Variants in CTNNA3 observed in about 807,000 individuals in gnomAD.
CTNNA3 encodes catenin alpha-3.
A neutral mutation model predicts 95.7 loss-of-function variants in CTNNA3; 76 were observed. The observed-to-expected ratio is 0.79, with a 90% CI of 0.66 to 0.96. The LOEUF (loss-of-function observed/expected upper bound fraction) is 0.96, where lower values mean the gene tolerates loss of function less well. CTNNA3 is among the 40% of genes least tolerant of loss of function. The pLI is 0.00. For missense variants in CTNNA3, 1,191 were observed against 1,089.8 expected, an observed-to-expected ratio of 1.09 and a Z score of -1.31; for synonymous variants, 431 against 374.4, an observed-to-expected ratio of 1.15 and a Z score of -1.74.
chr10:67,403,623 C>T (rs561318870), intron 5 of CTNNA3, among the ~76,000 whole-genome samples: 13 of 152,284 alleles, frequency 8.5e-5, no homozygotes, highest in African/African-American at 2.4e-4. Context: ...GGGCATCTCA[C>T]CCAGTCCAAC....
chr10:66,252,651 G>T (rs2090605388), intron 13 of CTNNA3, among the ~76,000 whole-genome samples: 2 of 152,152 alleles, frequency 1.3e-5, no homozygotes, highest in South Asian at 4.1e-4. Context: ...GCAGAAGAAA[G>T]TGGCATCCAA....
chr10:66,375,935 C>A (rs1034205553), intron 12 of CTNNA3, among the ~76,000 whole-genome samples: 1 of 152,104 alleles, frequency 6.6e-6, no homozygotes, highest in African/African-American at 2.4e-5. Flanking sequence ...GATGAATGAA[C>A]CTGTATTTGC....
At position 65,966,761 on chromosome 10, in the gene CTNNA3, A is replaced by G; in HGVS notation, c.2266-15T>C. ...GGATCTGGGCACTAAATATGAATCAAAGATAAAAATAGATACAGCAGAATA... is the reference window on the plus strand; with the variant it reads ...GGATCTGGGCACTAAATATGAATCAGAGATAAAAATAGATACAGCAGAATA... On this transcript the variant is annotated splice_polypyrimidine_tract_variant and intron_variant, in intron 16 of 17. Coordinates refer to ENST00000433211, the MANE Select transcript of CTNNA3 (RefSeq NM_013266.4). 1 of 1,590,870 alleles carries G rather than the reference A, an allele frequency of 6.3e-7. No individual in the cohort carries two copies. The highest frequency in any genetic ancestry group is 8.6e-7 in the Non-Finnish European group (1 of 1,162,014).
At chr10:67,016,535 G>GCTTC (rs1279518218) in intron 7 of CTNNA3, among the ~76,000 whole-genome samples, 5 of 152,080 alleles carry the variant, frequency 3.3e-5, no homozygotes, top group Admixed American at 1.3e-4. Context: ...TCCCTCTGAG[G>GCTTC]CTTCCCTTCC....
intron 10 of CTNNA3, among the ~76,000 whole-genome samples, chr10:66,538,523 A>G (rs1031274628): frequency 6.6e-6 from 1 of 152,196 alleles, no homozygotes; most frequent in Non-Finnish European, 1.5e-5. Flanking sequence ...CAACAAACAT[A>G]ACCAAAAAGA....
At chr10:67,651,053 T>C (rs1424557568) in intron 1 of CTNNA3, among the ~76,000 whole-genome samples, 2 of 152,090 alleles carry the variant, frequency 1.3e-5, no homozygotes, top group Non-Finnish European at 1.5e-5. Flanking sequence ...TGTCATGTTC[T>C]TGTGGGATGG....
intron 5 of CTNNA3, among the ~76,000 whole-genome samples, chr10:67,372,047 A>C (rs1310689218): frequency 1.3e-5 from 2 of 150,494 alleles, no homozygotes; most frequent in African/African-American, 4.9e-5. Context: ...GTGTCTGTTC[A>C]TATCTTTCGC....
intron 7 of CTNNA3, among the ~76,000 whole-genome samples, chr10:67,000,330 T>C (rs541412569): frequency 1.3e-3 from 197 of 152,316 alleles, no homozygotes; most frequent in African/African-American, 4.6e-3. Flanking sequence ...CCCTTACTCT[T>C]GCTGACCCAA....
At chr10:67,736,101 T>C (rs1001202336) in intron 1 of CTNNA3, among the ~76,000 whole-genome samples, 1 of 152,106 alleles carries the variant, frequency 6.6e-6, no homozygotes, top group Non-Finnish European at 1.5e-5. Flanking sequence ...CAATGAAATA[T>C]TATTTAGCCA....
intron 13 of CTNNA3, among the ~76,000 whole-genome samples, chr10:66,122,940 T>C (rs1159490476): frequency 6.6e-6 from 1 of 152,182 alleles, no homozygotes; most frequent in African/African-American, 2.4e-5. Context: ...CATGTGGGAA[T>C]TGAGGAGTTA....
At chr10:66,922,771 A>G (rs1157747725) in intron 7 of CTNNA3, among the ~76,000 whole-genome samples, 2 of 152,158 alleles carry the variant, frequency 1.3e-5, no homozygotes, top group Non-Finnish European at 2.9e-5. Context: ...TTTTTGTTGT[A>G]GCACATCATT....
At chr10:66,438,541 C>T (rs2093353778) in intron 11 of CTNNA3, among the ~76,000 whole-genome samples, 1 of 152,106 alleles carries the variant, frequency 6.6e-6, no homozygotes, top group African/African-American at 2.4e-5. Flanking sequence ...TGGTGGATGC[C>T]TCTCACCCAC....
In CTNNA3 at chr10:66,360,783, T is replaced by TCC. The variant is rs1279751539; in HGVS notation, c.1732+18368_1732+18369insGG. 6.5e-3 allele frequency among the ~76,000 whole-genome samples: 367 copies of TCC among 56,536 alleles called. 19 individuals are homozygous for TCC. The highest frequency in any genetic ancestry group is 0.02 in the African/African-American group (313 of 15,594). The allele number at this position is 56,536 out of a possible 152,430, so 37.1% of individuals were successfully genotyped here. On this transcript the variant is annotated intron_variant, in intron 12 of 17. Transcript: ENST00000433211. ...TCCTTCCTTCCTTTTCTTTCTTTCT[T>TCC]TCTTCCTTCCTTCCTTCCTTCCTTC...
intron 5 of CTNNA3, among the ~76,000 whole-genome samples, chr10:67,471,083 CG>C (rs1000654592): frequency 1.3e-5 from 2 of 152,008 alleles, no homozygotes; most frequent in Admixed American, 6.6e-5. Flanking sequence ...TCCCAAAGCA[CG>C]GGGGGGTGGG....
intron 6 of CTNNA3, among the ~76,000 whole-genome samples, chr10:67,206,538 G>A (rs1863907822): frequency 6.6e-6 from 1 of 151,700 alleles, no homozygotes; most frequent in Non-Finnish European, 1.5e-5. Flanking sequence ...TAAAGAATAA[G>A]GAGGGAAATT....
At chr10:67,739,639 T>A (rs2133639456) in intron 1 of CTNNA3, among the ~76,000 whole-genome samples, 1 of 151,694 alleles carries the variant, frequency 6.6e-6, no homozygotes, top group East Asian at 1.9e-4. Context: ...TACAAACCAC[T>A]GCTCAAGGAA....
At chr10:66,546,555 C>G (rs1464404106) in intron 10 of CTNNA3, among the ~76,000 whole-genome samples, 1 of 152,028 alleles carries the variant, frequency 6.6e-6, no homozygotes, top group East Asian at 1.9e-4. Flanking sequence ...GTTGGGGAAG[C>G]CTCGAGAAAC....
chr10:66,084,154 A>AAAAAAAAAAAAAG (rs1564627073), intron 14 of CTNNA3, among the ~76,000 whole-genome samples: 3 of 141,396 alleles, frequency 2.1e-5, no homozygotes, highest in Non-Finnish European at 4.6e-5. Flanking sequence ...AAAAGAAAAA[A>AAAAAAAAAAAAAG]AAAGAAAAAG....
At chr10:66,216,340 G>C (rs879859014) in intron 13 of CTNNA3, among the ~76,000 whole-genome samples, 17 of 152,316 alleles carry the variant, frequency 1.1e-4, no homozygotes, top group Admixed American at 8.5e-4. Flanking sequence ...GGATCTGGCA[G>C]GTAATTGTGT....
Sources: gnomAD v4.1 joint callset for allele counts (sites outside exome capture counted in the v4.1 genomes callset) on GRCh38, gnomAD v4.1.1 for gene constraint, MANE v1.5 for transcripts, NCBI Gene and HGNC (gene_info 2026-07-23, HGNC 2026-07-21) for gene names.